Variants in RTKN observed in about 807,000 individuals in gnomAD.
The protein encoded by RTKN is rhotekin.
Under a neutral mutation model 63.5 loss-of-function variants are expected in RTKN, and 49 were observed. That is an observed-to-expected ratio of 0.77 (90% CI 0.61 to 0.98). The LOEUF (loss-of-function observed/expected upper bound fraction) is 0.98, where lower values mean the gene tolerates loss of function less well. RTKN is among the 50% of genes least tolerant of loss of function. The pLI is 0.00. For missense variants in RTKN, 685 were observed against 740.8 expected, an observed-to-expected ratio of 0.92 and a Z score of 0.87; for synonymous variants, 295 against 290.4, an observed-to-expected ratio of 1.02 and a Z score of -0.16.
chr2:74,434,925 G>C (rs1670972391), intron 1 of RTKN, among the ~76,000 whole-genome samples: 1 of 152,186 alleles, frequency 6.6e-6, no homozygotes, highest in African/African-American at 2.4e-5. Flanking sequence ...CATGGGAATG[G>C]ACAGAAGGAA....
chr2:74,431,297 G>A lies in RTKN; in HGVS notation c.312-620C>T, dbSNP rs191387633. ...GCCTGATATGGTGTACCCTACTAGT[G>A]CCCCAAGTTCTGCAGCTCCCCCACA... On this transcript the variant is annotated intron_variant, in intron 2 of 11. Transcript: ENST00000272430. Among the ~76,000 whole-genome samples the A allele has an allele frequency of 3.3e-5, 5 of 151,976 alleles. No homozygotes were observed. In the East Asian group the frequency reaches 9.7e-4, roughly 29 times the overall value.
In RTKN at chr2:74,433,639, G is replaced by A. The variant is rs920582442; in HGVS notation, c.112-973C>T. On this transcript the variant is annotated intron_variant, in intron 1 of 11. Transcript: ENST00000272430. ...CAAGTAGCTGGGACTACAGGCGCCC[G>A]CCACCACATCCGGCTAATTGTTTTT... Among the ~76,000 whole-genome samples the A allele has an allele frequency of 3.9e-5, 6 of 152,118 alleles. 1 individual carries two copies. The East Asian group carries it at 7.8e-4, about 20-fold the overall frequency.
chr2:74,432,306 C>T, intron 2 of RTKN, 161 bp downstream of exon 2: 1 of 779,500 alleles, frequency 1.3e-6, no homozygotes, highest in South Asian at 1.4e-5. Flanking sequence ...CTGGGCAACA[C>T]ACAGTGGTGG....
Position 74,430,252 on chromosome 2 carries a change from A to T in RTKN, c.545T>A (p.Phe182Tyr). 1.2e-6 allele frequency: 2 copies of T among 1,607,594 alleles called. No individual in the cohort carries two copies. The highest frequency in any genetic ancestry group is 1.7e-6 in the Non-Finnish European group (2 of 1,173,970). ...TDISFQSNVL[F>Y]AEAGPDFELR... is the part of the protein sequence containing the mutation. Reference sequence around the variant, plus strand: ...GGTAGCCACAGTGTGAGGTACTCACAAGAGCACATTGCTCTGAAAGGAGAT... The same window carrying T: ...GGTAGCCACAGTGTGAGGTACTCACTAGAGCACATTGCTCTGAAAGGAGAT... The change falls in exon 5 of 12, where the codon TTC becomes TAC. Residue 182 changes from phenylalanine to tyrosine, a missense_variant and splice_region_variant. Physicochemically the swap from Phe to Tyr is conservative, Grantham distance 22. Coordinates refer to ENST00000272430, the MANE Select transcript of RTKN (RefSeq NM_001015055.2).
Position 74,425,891 on chromosome 2 carries a change from A to G in RTKN, c.*352T>C, listed in dbSNP as rs1361567231. 1.1e-6 allele frequency: 1 copy of G among 902,972 alleles called. No homozygotes were observed. Among genetic ancestry groups the G allele is most frequent in the Non-Finnish European group, 1.6e-6 (1 of 609,330 alleles). The allele number at this position is 902,972 out of a possible 1,614,324, so 55.9% of individuals were successfully genotyped here. ...AGGAGCCAGGTGAAGGCTGCTGTTA[A>G]ATAACTTTAATGGTTGATGTGGGAG... On this transcript the variant is annotated 3_prime_UTR_variant, in exon 12 of 12. Coordinates refer to ENST00000272430, the MANE Select transcript of RTKN (RefSeq NM_001015055.2).
In RTKN at chr2:74,440,110, G is replaced by T. The variant is rs535950711; in HGVS notation, c.111+1596C>A. ...GGCAGGCACAACTGGAAGGGGGCAGGGAAACGACGCCTCATGCAGGTTCTA... is the reference window on the plus strand; with the variant it reads ...GGCAGGCACAACTGGAAGGGGGCAGTGAAACGACGCCTCATGCAGGTTCTA... On this transcript the variant is annotated intron_variant, in intron 1 of 11. Transcript: ENST00000272430. 9 of 561,738 alleles carry T rather than the reference G, an allele frequency of 1.6e-5. No individual in the cohort carries two copies. In the African/African-American group the frequency reaches 1.8e-4, roughly 11 times the overall value. The allele number at this position is 561,738 out of a possible 1,614,324, so 34.8% of individuals were successfully genotyped here. A position where few individuals can be genotyped will look rare whatever the true frequency, so the allele number is the denominator to read the frequency against.
intron 11 of RTKN, chr2:74,426,922 G>C (rs575477041): frequency 1.0e-6 from 1 of 985,318 alleles, no homozygotes; most frequent in East Asian, 1.1e-4. Flanking sequence ...CAGAAAAGAA[G>C]AAATTAGGAA....
At chr2:74,429,591 G>A (rs980392737) in intron 6 of RTKN, among the ~76,000 whole-genome samples, 4 of 149,052 alleles carry the variant, frequency 2.7e-5, no homozygotes, top group African/African-American at 1.0e-4. Flanking sequence ...CTGCTAAAAA[G>A]GTAAGACCCC....
chr2:74,428,117 A>G (rs1480648893), intron 9 of RTKN, 151 bp downstream of exon 9: 2 of 933,170 alleles, frequency 2.1e-6, no homozygotes, highest in African/African-American at 1.7e-5. Flanking sequence ...GTAGTTGGGG[A>G]AAATACGGGC....
In RTKN at chr2:74,432,650, C is replaced by G; in HGVS notation, c.128G>C (p.Arg43Thr). 6.2e-7 allele frequency: 1 copy of G among 1,614,196 alleles called. No individual in the cohort carries two copies. The highest frequency in any genetic ancestry group is 8.5e-7 in the Non-Finnish European group (1 of 1,180,026). ...CATCCGGATCTCATGGTCTAGCTTC[C>G]TCTGCAACTCCGTGTCCTAGCCAGG... is the stretch of plus-strand genomic sequence containing the variant. The part of the protein sequence containing the change: ...SDLPEDTELQ[R>T]KLDHEIRMRE... Residue 43 changes from arginine (R) to threonine (T), a missense_variant, in exon 2 of 12, where the codon AGG becomes ACG. Coordinates refer to ENST00000272430, the MANE Select transcript of RTKN (RefSeq NM_001015055.2).
rs996211619 is a variant in RTKN, at chr2:74,440,241, G to A, written c.111+1465C>T. ...ACAGGTGAGGACCTCAGGGGAGAGTGAGCCCAGGGAATGGGACAAAGGGGT... is the reference window on the plus strand; with the variant it reads ...ACAGGTGAGGACCTCAGGGGAGAGTAAGCCCAGGGAATGGGACAAAGGGGT... On this transcript the variant is annotated intron_variant, in intron 1 of 11. Coordinates refer to ENST00000272430, the MANE Select transcript of RTKN (RefSeq NM_001015055.2). 22 of 586,124 alleles carry A rather than the reference G, an allele frequency of 3.8e-5. No homozygotes were observed. The Admixed American group carries it at 6.0e-4, about 16-fold the overall frequency. The allele number at this position is 586,124 out of a possible 1,614,324, so 36.3% of individuals were successfully genotyped here. A position where few individuals can be genotyped will look rare whatever the true frequency, so the allele number is the denominator to read the frequency against.
At chr2:74,433,906 A>T (rs1670907016) in intron 1 of RTKN, among the ~76,000 whole-genome samples, 1 of 152,214 alleles carries the variant, frequency 6.6e-6, no homozygotes, top group African/African-American at 2.4e-5. Context: ...GGAAAGAGAT[A>T]TGCACATGTA....
At position 74,428,747 on chromosome 2, in the gene RTKN, G is replaced by A. The variant is rs1670566761; in HGVS notation, c.851-10C>T. ...CAGGCAGGGTTCTCCTCTGGGGGAGGAGGAAGTGCAGGGTGAGGTAGGGGA... is the reference window on the plus strand; with the variant it reads ...CAGGCAGGGTTCTCCTCTGGGGGAGAAGGAAGTGCAGGGTGAGGTAGGGGA... On this transcript the variant is annotated splice_polypyrimidine_tract_variant and intron_variant, in intron 7 of 11. Transcript: ENST00000272430. The A allele has an allele frequency of 1.2e-6, 2 of 1,612,970 alleles. No individual in the cohort carries two copies. Among genetic ancestry groups the A allele is most frequent in the Non-Finnish European group, 1.7e-6 (2 of 1,179,300 alleles).
At chr2:74,439,543 G>C in intron 1 of RTKN, 1 of 1,614,102 alleles carries the variant, frequency 6.2e-7, no homozygotes, top group South Asian at 1.1e-5. Flanking sequence ...CAAGGGTCGG[G>C]GGATTACCTC....
intron 1 of RTKN, among the ~76,000 whole-genome samples, chr2:74,433,904 A>T (rs1670906841): frequency 6.6e-6 from 1 of 152,190 alleles, no homozygotes; most frequent in East Asian, 1.9e-4. Context: ...AAGGAAAGAG[A>T]TATGCACATG....
chr2:74,436,329 G>A lies in RTKN; in HGVS notation c.112-3663C>T, dbSNP rs1671060111. ...GCCAGGGCGCCAGCATAGCTGCACCGCCTCCAGCTGCAGCGCTCAGGACGC... is the reference window on the plus strand; with the variant it reads ...GCCAGGGCGCCAGCATAGCTGCACCACCTCCAGCTGCAGCGCTCAGGACGC... On this transcript the variant is annotated intron_variant, in intron 1 of 11. Transcript: ENST00000272430. This position sits in a 1 kb window ranked among gnomAD's most constrained non-coding sequence, Gnocchi z 4.3. 6.6e-6 allele frequency among the ~76,000 whole-genome samples: 1 copy of A among 152,238 alleles called. No individual in the cohort carries two copies. Among genetic ancestry groups the A allele is most frequent in the South Asian group, 2.1e-4 (1 of 4,834 alleles).
In RTKN at chr2:74,426,107, G is replaced by A. The variant is rs569639361; in HGVS notation, c.*136C>T. The A allele has an allele frequency of 6.9e-4, 566 of 818,682 alleles. 5 individuals are homozygous for A. In the African/African-American group the frequency reaches 8.8e-3, roughly 13 times the overall value. The allele number at this position is 818,682 out of a possible 1,614,324, so 50.7% of individuals were successfully genotyped here. ...TTAAGAGGGGCTTCTGCCCACCCCT[G>A]CAGCCTACCCCAGGTCCAGCAGAGG... On this transcript the variant is annotated 3_prime_UTR_variant, in exon 12 of 12. Coordinates refer to ENST00000272430, the MANE Select transcript of RTKN (RefSeq NM_001015055.2).
At chr2:74,430,774 C>G in intron 2 of RTKN, 97 bp from the exon 3 acceptor site, 3 of 1,240,178 alleles carry the variant, frequency 2.4e-6, no homozygotes, top group Non-Finnish European at 2.2e-6. Context: ...CCCAGCGCCT[C>G]AGCCACCAGG....
At chr2:74,428,994 A>G (rs770394454) in intron 6 of RTKN, 52 bp from the exon 7 acceptor site, 1 of 1,410,542 alleles carries the variant, frequency 7.1e-7, no homozygotes, top group South Asian at 1.2e-5. Context: ...GTTGGCCAGC[A>G]GGAACTCTAA....
Sources: allele counts gnomAD v4.1 joint callset (sites outside exome capture counted in the v4.1 genomes callset), GRCh38; gene constraint gnomAD v4.1.1; non-coding constraint Gnocchi (gnomAD v3.1); transcripts MANE v1.5; gene names NCBI Gene and HGNC (gene_info 2026-07-23, HGNC 2026-07-21).